The following DLGAP2 variants were observed in gnomAD, a reference collection of about 807,000 sequenced individuals.
DLGAP2 encodes the protein disks large-associated protein 2.
A neutral mutation model predicts 100.3 loss-of-function variants in DLGAP2; 26 were observed. The ratio of observed to expected loss-of-function variants is 0.26; its 90% CI spans 0.19 to 0.36. DLGAP2 has a LOEUF of 0.36. Ranked by LOEUF, DLGAP2 falls within the 10% of genes least tolerant of loss-of-function variation. The pLI is 1.00. For synonymous variants in DLGAP2, 886 were observed against 630.1 expected (o/e 1.41, Z -6.08); for missense variants, 1,858 against 1,453.2 (o/e 1.28, Z -4.53).
intron 3 of DLGAP2, among the ~76,000 whole-genome samples, chr8:1,418,566 C>T (rs1300362441): frequency 6.6e-6 from 1 of 152,172 alleles, no homozygotes; most frequent in Non-Finnish European, 1.5e-5. Flanking sequence ...GCTCTCTCTG[C>T]ATTCACACGA....
intron 5 of DLGAP2, 180 bp from the exon 6 acceptor site, chr8:1,565,503 A>T (rs1802360845): frequency 1.8e-6 from 1 of 571,246 alleles, no homozygotes; most frequent in Non-Finnish European, 3.0e-6. Context: ...AAGAAAAACC[A>T]ACATTTTTAT....
chr8:1,263,334 A>G (rs1267574109), intron 3 of DLGAP2, among the ~76,000 whole-genome samples: 1 of 152,172 alleles, frequency 6.6e-6, no homozygotes, highest in Admixed American at 6.5e-5. Flanking sequence ...ATCTGTTTTC[A>G]TTTTTGTTGT....
intron 3 of DLGAP2, among the ~76,000 whole-genome samples, chr8:1,472,993 T>C (rs1176195572): frequency 1.3e-5 from 2 of 152,174 alleles, no homozygotes; most frequent in Non-Finnish European, 2.9e-5. Flanking sequence ...TGCAGTGGCT[T>C]GATCTCAGCT....
chr8:1,026,025 G>T (rs1418929966), intron 2 of DLGAP2, among the ~76,000 whole-genome samples: 1 of 152,198 alleles, frequency 6.6e-6, no homozygotes, highest in Admixed American at 6.5e-5. Flanking sequence ...CCGGCAGAAG[G>T]CTCCGGCCCG....
At chr8:962,581 C>T (rs925945247) in intron 2 of DLGAP2, among the ~76,000 whole-genome samples, 2 of 152,134 alleles carry the variant, frequency 1.3e-5, no homozygotes, top group Admixed American at 6.5e-5. Context: ...CTTTTGAGGT[C>T]ACCTGCTCCA....
At chr8:1,414,410 G>A (rs1796820716) in intron 3 of DLGAP2, among the ~76,000 whole-genome samples, 1 of 152,238 alleles carries the variant, frequency 6.6e-6, no homozygotes, top group Non-Finnish European at 1.5e-5. Context: ...TGTGAGTCAG[G>A]TCGTGACCCA....
chr8:965,471 CA>C (rs1358049139), intron 2 of DLGAP2, among the ~76,000 whole-genome samples: 2 of 55,616 alleles, frequency 3.6e-5, no homozygotes, highest in African/African-American at 8.9e-5. Flanking sequence ...TCTGACCCCG[CA>C]CTGCACACGG....
In DLGAP2 at chr8:1,282,533, C is replaced by T. The variant is rs1341534445; in HGVS notation, c.106+23650C>T. ...ACGTGGTGTGACCTGAACCCAGCAC[C>T]CTGAACCATCCGGACATGGTGTGAC... On this transcript the variant is annotated intron_variant, in intron 3 of 14. Transcript: ENST00000637795. 7.8e-3 allele frequency among the ~76,000 whole-genome samples: 959 copies of T among 122,186 alleles called. 91 individuals carry two copies. Among genetic ancestry groups the T allele is most frequent in the African/African-American group, 0.03 (890 of 30,016 alleles). The allele number at this position is 122,186 out of a possible 152,430, so 80.2% of individuals were successfully genotyped here.
At chr8:1,176,750 C>A (rs1036904451) in intron 2 of DLGAP2, among the ~76,000 whole-genome samples, 10 of 152,078 alleles carry the variant, frequency 6.6e-5, no homozygotes, top group African/African-American at 2.4e-4. Context: ...TCTGCTGGTC[C>A]AGAAGAGATG....
intron 2 of DLGAP2, among the ~76,000 whole-genome samples, chr8:1,247,354 G>C (rs1358999530): frequency 1.8e-4 from 25 of 141,936 alleles, no homozygotes; most frequent in Non-Finnish European, 3.0e-4. Context: ...CAAGACCTTT[G>C]ACATCAGTGT....
At chr8:1,125,596 CATT>C (rs1242259464) in intron 2 of DLGAP2, among the ~76,000 whole-genome samples, 1 of 152,144 alleles carries the variant, frequency 6.6e-6, no homozygotes, top group Admixed American at 6.5e-5. Flanking sequence ...TCAAATCTAA[CATT>C]ATGAAAGCCA....
At chr8:837,118 G>A (rs1316555385) in intron 1 of DLGAP2, among the ~76,000 whole-genome samples, 3 of 152,348 alleles carry the variant, frequency 2.0e-5, no homozygotes, top group Non-Finnish European at 2.9e-5. Context: ...GCATCTCCAT[G>A]TTCCCATCTG....
intron 2 of DLGAP2, among the ~76,000 whole-genome samples, chr8:1,011,111 A>G (rs1212662546): frequency 6.7e-6 from 1 of 149,494 alleles, no homozygotes; most frequent in African/African-American, 2.5e-5. Context: ...TAGTCTGCAC[A>G]GTGAGCCCGG....
chr8:1,089,701 T>A (rs1052054558), intron 2 of DLGAP2, among the ~76,000 whole-genome samples: 1 of 152,262 alleles, frequency 6.6e-6, no homozygotes, highest in Non-Finnish European at 1.5e-5. Context: ...CATGATTTTA[T>A]CATTTATCAT....
rs73170432 is a variant in DLGAP2, at chr8:1,298,775, C to T, written c.106+39892C>T. On this transcript the variant is annotated intron_variant, in intron 3 of 14. Transcript: ENST00000637795. ...TATAAAAACTTTAAACTAAAGACTT[C>T]TATTTGCAAAGATCGTCTTGAGAGG... 7.0e-3 allele frequency among the ~76,000 whole-genome samples: 1,061 copies of T among 152,344 alleles called. 11 individuals carry two copies. The highest frequency in any genetic ancestry group is 0.037 in the Middle Eastern group (11 of 294).
At chr8:1,245,512 C>T (rs945234163) in intron 2 of DLGAP2, among the ~76,000 whole-genome samples, 4 of 152,172 alleles carry the variant, frequency 2.6e-5, no homozygotes, top group African/African-American at 9.7e-5. Flanking sequence ...GATAGGATTC[C>T]ATTTATATGC....
chr8:1,693,074 T>A (rs1799295250), intron 13 of DLGAP2, among the ~76,000 whole-genome samples: 1 of 146,518 alleles, frequency 6.8e-6, no homozygotes, highest in African/African-American at 2.5e-5. Flanking sequence ...TATATAAACA[T>A]ATATATTAAC....
chr8:1,669,804 C>G lies in DLGAP2; in HGVS notation c.2202+20C>G, dbSNP rs758967927. On this transcript the variant is annotated intron_variant, in intron 10 of 14. Coordinates refer to ENST00000637795, the MANE Select transcript of DLGAP2 (RefSeq NM_001346810.2). ...TCAGATGTAAGTACCGAAATGTGCT[C>G]CAAAGCCGCGTCCGCATGACTTTCA... 1.0e-5 allele frequency: 8 copies of G among 780,804 alleles called. No individual in the cohort carries two copies. The highest frequency in any genetic ancestry group is 1.7e-5 in the African/African-American group (1 of 59,162). 48.4% of individuals were successfully genotyped at this position (780,804 alleles called of 1,614,324 possible).
chr8:1,005,937 C>A (rs773238834), intron 2 of DLGAP2, among the ~76,000 whole-genome samples: 1 of 152,094 alleles, frequency 6.6e-6, no homozygotes, highest in Non-Finnish European at 1.5e-5. Flanking sequence ...CCTGGTCTGG[C>A]GCGGTGGCTC....
Sources: allele counts gnomAD v4.1 joint callset (sites outside exome capture counted in the v4.1 genomes callset), GRCh38; gene constraint gnomAD v4.1.1; transcripts MANE v1.5; gene names NCBI Gene and HGNC (gene_info 2026-07-23, HGNC 2026-07-21).